The following MAP4K3 variants were observed in gnomAD, a reference collection of about 807,000 sequenced individuals.
MAP4K3 encodes the protein mitogen-activated protein kinase kinase kinase kinase 3.
In MAP4K3, 94 loss-of-function variants were observed where a neutral mutation model predicts 143.5. The ratio of observed to expected loss-of-function variants is 0.65; its 90% CI spans 0.55 to 0.78. The LOEUF (loss-of-function observed/expected upper bound fraction) is 0.78, where lower values mean the gene tolerates loss of function less well. Among genes scored for constraint, MAP4K3 ranks in the 30% least tolerant of loss-of-function variants. The pLI is 0.00. For synonymous variants in MAP4K3, 416 were observed against 347.2 expected (o/e 1.20, Z -2.20); for missense variants, 1,077 against 1,068.1 (o/e 1.01, Z -0.12).
chr2:39,257,112 GAACT>G (rs1680371867), intron 31 of MAP4K3, among the ~76,000 whole-genome samples: 1 of 152,146 alleles, frequency 6.6e-6, no homozygotes. Context: ...ATAAGACAAT[GAACT>G]AACTGCCTTT....
chr2:39,428,971 G>A (rs1469548649), intron 1 of MAP4K3, among the ~76,000 whole-genome samples: 1 of 150,110 alleles, frequency 6.7e-6, no homozygotes, highest in Non-Finnish European at 1.5e-5. Flanking sequence ...GGGAGGCTGA[G>A]GCAGAATTGC....
chr2:39,321,865 T>G (rs1355516256), intron 12 of MAP4K3, among the ~76,000 whole-genome samples: 3 of 152,212 alleles, frequency 2.0e-5, no homozygotes, highest in African/African-American at 4.8e-5. Context: ...CAAAGACCAC[T>G]GTTCACGTGT....
At chr2:39,326,899 T>G (rs1364478291) in intron 8 of MAP4K3, among the ~76,000 whole-genome samples, 1 of 152,140 alleles carries the variant, frequency 6.6e-6, no homozygotes, top group Non-Finnish European at 1.5e-5. Context: ...TCCATGATTG[T>G]AAGTTTTCTG....
intron 19 of MAP4K3, among the ~76,000 whole-genome samples, 199 bp from the exon 20 acceptor site, chr2:39,288,479 T>C (rs975083386): frequency 1.3e-5 from 2 of 152,212 alleles, no homozygotes; most frequent in African/African-American, 2.4e-5. Flanking sequence ...CACTAAAATG[T>C]GTACATCTCA....
Position 39,250,501 on chromosome 2 carries a change from A to T in MAP4K3, c.*117T>A. 1.0e-6 allele frequency: 1 copy of T among 960,194 alleles called. No homozygotes were observed. Among genetic ancestry groups the T allele is most frequent in the Non-Finnish European group, 1.5e-6 (1 of 656,650 alleles). The allele number at this position is 960,194 out of a possible 1,614,324, so 59.5% of individuals were successfully genotyped here. A position where few individuals can be genotyped will look rare whatever the true frequency, so the allele number is the denominator to read the frequency against. ...CCCCATCTTATCTCATGCCACAATAAATTACAAAGTAACTGAAGACAGGTT... is the reference window on the plus strand; with the variant it reads ...CCCCATCTTATCTCATGCCACAATATATTACAAAGTAACTGAAGACAGGTT... On this transcript the variant is annotated 3_prime_UTR_variant, in exon 34 of 34. Transcript: ENST00000263881.
chr2:39,266,156 G>C (rs796138795), intron 27 of MAP4K3, among the ~76,000 whole-genome samples: 4 of 152,148 alleles, frequency 2.6e-5, no homozygotes, highest in Non-Finnish European at 4.4e-5. Flanking sequence ...ATTTGCTGCA[G>C]TTCTAACAGA....
intron 20 of MAP4K3, among the ~76,000 whole-genome samples, chr2:39,287,682 T>A (rs1681856891): frequency 6.6e-6 from 1 of 152,178 alleles, no homozygotes; most frequent in Non-Finnish European, 1.5e-5. Context: ...CCTTCTAGTA[T>A]TAATTTGGAG....
chr2:39,316,072 C>T (rs996029917), intron 12 of MAP4K3, among the ~76,000 whole-genome samples: 6 of 151,882 alleles, frequency 4.0e-5, no homozygotes, highest in Non-Finnish European at 7.4e-5. Context: ...TAAAAAAATG[C>T]TCTCCACTCC....
chr2:39,362,643 A>G (rs1369907649), intron 2 of MAP4K3, among the ~76,000 whole-genome samples: 1 of 152,244 alleles, frequency 6.6e-6, no homozygotes, highest in African/African-American at 2.4e-5. Context: ...TACAAATTCA[A>G]TGTAATCTGG....
At chr2:39,311,228 C>T (rs1036240219) in intron 13 of MAP4K3, among the ~76,000 whole-genome samples, 3 of 152,158 alleles carry the variant, frequency 2.0e-5, no homozygotes, top group African/African-American at 7.2e-5. Flanking sequence ...CAGGTGCGCG[C>T]CACTATACCT....
chr2:39,327,441 T>C (rs1400928440), intron 8 of MAP4K3, among the ~76,000 whole-genome samples: 1 of 152,232 alleles, frequency 6.6e-6, no homozygotes, highest in Non-Finnish European at 1.5e-5. Context: ...TCCATAAATT[T>C]GAATTTGACT....
intron 2 of MAP4K3, among the ~76,000 whole-genome samples, chr2:39,356,944 A>G (rs971814333): frequency 6.6e-6 from 1 of 152,210 alleles, no homozygotes; most frequent in Non-Finnish European, 1.5e-5. Flanking sequence ...TTATCTCCAC[A>G]GGCTGTTTGT....
At chr2:39,365,240 TAATGTTGGTCAGCTGAGCTTG>T (rs1665887369) in intron 2 of MAP4K3, among the ~76,000 whole-genome samples, 2 of 152,082 alleles carry the variant, frequency 1.3e-5, no homozygotes, top group Admixed American at 1.3e-4. Context: ...ATTTAAATGT[TAATGTTGGTCAGCTGAGCTTG>T]AATTCCAAAG....
intron 7 of MAP4K3, among the ~76,000 whole-genome samples, chr2:39,332,300 T>C (rs1683709362): frequency 6.6e-6 from 1 of 152,026 alleles, no homozygotes; most frequent in African/African-American, 2.4e-5. Context: ...AACTTATTAA[T>C]ATTGTAATTT....
intron 1 of MAP4K3, among the ~76,000 whole-genome samples, chr2:39,425,394 G>A (rs955189551): frequency 6.6e-6 from 1 of 152,132 alleles, no homozygotes; most frequent in Non-Finnish European, 1.5e-5. Flanking sequence ...AATCTGCTAC[G>A]GACTGAACTG....
intron 32 of MAP4K3, among the ~76,000 whole-genome samples, chr2:39,253,104 G>A (rs1277059887): frequency 1.3e-5 from 2 of 152,166 alleles, no homozygotes; most frequent in African/African-American, 4.8e-5. Context: ...GCCCACTTGT[G>A]GGGATTACTT....
rs1681800368 is a variant in MAP4K3 at position 39,286,877 on chromosome 2, G to A, written c.1562C>T (p.Ser521Leu). Residue 521 changes from serine (S) to leucine (L), a missense_variant, in exon 21 of 34, where the codon TCA becomes TTA. Ser to Leu is a moderately radical substitution (Grantham distance 145). Around this residue, in one of 2 missense-constraint regions of MAP4K3, gnomAD observed 864 missense variants for 801.2 expected, o/e 1.08. Coordinates refer to ENST00000263881, the MANE Select transcript of MAP4K3 (RefSeq NM_003618.4). The part of the protein sequence containing the change: ...QQNEHRGTNL[S>L]RKEKKDVPKP... ...TGGTACATCTTTCTTTTCTTTTCTT[G>A]AAAGGTTTGTGCCTCTATGTTCATT... 6.2e-7 allele frequency: 1 copy of A among 1,606,066 alleles called. No individual in the cohort carries two copies. The highest frequency in any genetic ancestry group is 8.5e-7 in the Non-Finnish European group (1 of 1,177,784).
At chr2:39,432,925 C>A (rs1227435210) in intron 1 of MAP4K3, among the ~76,000 whole-genome samples, 1 of 152,140 alleles carries the variant, frequency 6.6e-6, no homozygotes, top group African/African-American at 2.4e-5. Context: ...GAAAAAAAAT[C>A]AATATCAACG....
chr2:39,302,525 T>C (rs2148491507), intron 15 of MAP4K3, among the ~76,000 whole-genome samples: 1 of 152,268 alleles, frequency 6.6e-6, no homozygotes, highest in Non-Finnish European at 1.5e-5. Flanking sequence ...TTATATGTCG[T>C]TGGGGCAGTC....
Sources: gnomAD v4.1 joint callset for allele counts (sites outside exome capture counted in the v4.1 genomes callset) on GRCh38, gnomAD v4.1.1 for gene constraint, gnomAD v4.1.1 regional missense constraint, MANE v1.5 for transcripts, NCBI Gene and HGNC (gene_info 2026-07-23, HGNC 2026-07-21) for gene names.